The following KCNMB2 variants were observed in gnomAD, a reference collection of about 807,000 sequenced individuals.
The protein encoded by KCNMB2 is calcium-activated potassium channel subunit beta-2.
KCNMB2 carries 9 observed loss-of-function variants against 24.5 expected under a neutral mutation model. The observed-to-expected ratio is 0.37, with a 90% CI of 0.22 to 0.64. The LOEUF is 0.64. KCNMB2 is among the 30% of genes least tolerant of loss of function. The pLI is 0.63. For synonymous variants in KCNMB2, 109 were observed against 104.4 expected, an observed-to-expected ratio of 1.04 and a Z score of -0.27; for missense variants, 226 against 284.3, an observed-to-expected ratio of 0.79 and a Z score of 1.47.
chr3:178,735,473 T>C (rs7429116), intron 1 of KCNMB2, among the ~76,000 whole-genome samples: 21,298 of 152,236 alleles, frequency 0.14, 1,844 homozygotes, highest in Non-Finnish European at 0.18. Context: ...CAACGCACAC[T>C]CTGAAGAGTC....
intron 1 of KCNMB2, among the ~76,000 whole-genome samples, chr3:178,561,467 C>T (rs1488476480): frequency 6.6e-6 from 1 of 152,184 alleles, no homozygotes; most frequent in Non-Finnish European, 1.5e-5. Context: ...GGTTCTGAAA[C>T]TAAATGGCTC....
chr3:178,628,868 T>C (rs895902760), intron 1 of KCNMB2, among the ~76,000 whole-genome samples: 1 of 152,174 alleles, frequency 6.6e-6, no homozygotes, highest in Admixed American at 6.5e-5. Context: ...TATATTTATA[T>C]CTAAGAAAAC....
intron 1 of KCNMB2, among the ~76,000 whole-genome samples, chr3:178,565,626 G>T (rs928618540): frequency 6.6e-6 from 1 of 152,176 alleles, no homozygotes; most frequent in African/African-American, 2.4e-5. Flanking sequence ...TTTAGAGCAG[G>T]TCTAACTATT....
rs370359503 is a variant in KCNMB2 at position 178,801,466 on chromosome 3, TATTC to T, written c.-67-5871_-67-5868del. On this transcript the variant is annotated intron_variant, in intron 1 of 4. Transcript: ENST00000452583. ...TCTACAACTGGGCAGTAAGCAGGGC[TATTC>T]ATTCAATCTTCTAGGCATCAAATTG... 1.8e-3 allele frequency among the ~76,000 whole-genome samples: 269 copies of T among 152,338 alleles called. 4 individuals carry two copies. The highest frequency in any genetic ancestry group is 6.0e-3 in the African/African-American group (250 of 41,594).
chr3:178,581,756 A>T (rs1055047400), intron 1 of KCNMB2, among the ~76,000 whole-genome samples: 2 of 152,158 alleles, frequency 1.3e-5, no homozygotes, highest in East Asian at 1.9e-4. Flanking sequence ...GCCAACAAAC[A>T]TATGAAAAAA....
At chr3:178,755,362 C>A (rs1467226342) in intron 1 of KCNMB2, among the ~76,000 whole-genome samples, 2 of 152,206 alleles carry the variant, frequency 1.3e-5, no homozygotes, top group Non-Finnish European at 2.9e-5. Context: ...GGGTGGGAAG[C>A]ACCACTGTCT....
chr3:178,566,602 G>A (rs80010753), intron 1 of KCNMB2, among the ~76,000 whole-genome samples: 10,119 of 152,018 alleles, frequency 0.067, 459 homozygotes, highest in Non-Finnish European at 0.1. Flanking sequence ...CAGTTTCTCT[G>A]TTTTTTGTTT....
At position 178,844,428 on chromosome 3, in the gene KCNMB2, T is replaced by C. The variant is rs1715534028; in HGVS notation, c.*1491T>C. 6.6e-6 allele frequency: 1 copy of C among 152,194 alleles called. No individual in the cohort carries two copies. The highest frequency in any genetic ancestry group is 1.5e-5 in the Non-Finnish European group (1 of 67,932). The allele number at this position is 152,194 out of a possible 1,614,324, so 9.4% of individuals were successfully genotyped here. ...TAATTAAATTTTTTTAAAAAAAATC[T>C]ATTAAATTGCAAGATTTGAATACTT... On this transcript the variant is annotated 3_prime_UTR_variant, in exon 5 of 5. Transcript: ENST00000452583.
intron 1 of KCNMB2, among the ~76,000 whole-genome samples, chr3:178,805,051 G>A (rs1281944528): frequency 1.3e-5 from 2 of 152,232 alleles, no homozygotes; most frequent in African/African-American, 4.8e-5. Flanking sequence ...TAAAGAGATA[G>A]CAGATTTAAT....
At chr3:178,542,802 A>G (rs1715662819) in intron 1 of KCNMB2, among the ~76,000 whole-genome samples, 3 of 152,220 alleles carry the variant, frequency 2.0e-5, no homozygotes, top group Admixed American at 2.0e-4. Context: ...CTTTCTAGAC[A>G]CGCTGTATAA....
At chr3:178,703,734 T>G (rs1192683482) in intron 1 of KCNMB2, among the ~76,000 whole-genome samples, 1 of 152,198 alleles carries the variant, frequency 6.6e-6, no homozygotes, top group African/African-American at 2.4e-5. Flanking sequence ...GTTTATGTAA[T>G]CATGTATCTA....
chr3:178,787,818 T>A (rs954035194), intron 1 of KCNMB2, among the ~76,000 whole-genome samples: 35 of 152,066 alleles, frequency 2.3e-4, no homozygotes, highest in African/African-American at 8.2e-4. Context: ...TTTGAAAAAA[T>A]TCAAAACCAA....
intron 1 of KCNMB2, among the ~76,000 whole-genome samples, chr3:178,660,409 C>T (rs78899753): frequency 2.0e-5 from 3 of 152,040 alleles, no homozygotes; most frequent in Admixed American, 2.0e-4. Flanking sequence ...CCATGAAGCC[C>T]AACCCACTTG....
At chr3:178,541,959 C>A (rs1232504289) in intron 1 of KCNMB2, among the ~76,000 whole-genome samples, 5 of 152,132 alleles carry the variant, frequency 3.3e-5, no homozygotes, top group African/African-American at 9.7e-5. Context: ...CCAGCCAAAG[C>A]ACCCACCCTG....
chr3:178,746,602 G>A (rs1577145129), intron 1 of KCNMB2, among the ~76,000 whole-genome samples: 1 of 152,274 alleles, frequency 6.6e-6, no homozygotes, highest in East Asian at 1.9e-4. Flanking sequence ...TTGTCAGGCT[G>A]CAAATTTTCC....
intron 1 of KCNMB2, among the ~76,000 whole-genome samples, chr3:178,555,557 C>T (rs995486179): frequency 1.3e-5 from 2 of 152,108 alleles, no homozygotes; most frequent in Admixed American, 1.3e-4. Flanking sequence ...TCAAAACTAG[C>T]CGTTGTTATA....
chr3:178,726,589 C>T lies in KCNMB2; in HGVS notation c.-67-80754C>T, dbSNP rs192899064. On this transcript the variant is annotated intron_variant, in intron 1 of 4. Coordinates refer to ENST00000452583, the MANE Select transcript of KCNMB2 (RefSeq NM_181361.3). ...TTGACAGGTTTTTTTTCAAATATTT[C>T]TTTAGATATTTTTTAGATATACACT... Among the ~76,000 whole-genome samples the T allele has an allele frequency of 2.1e-4, 32 of 150,906 alleles. No homozygotes were observed. In the East Asian group the frequency reaches 6.0e-3, roughly 28 times the overall value.
intron 1 of KCNMB2, among the ~76,000 whole-genome samples, chr3:178,663,254 G>A (rs1720598224): frequency 6.6e-6 from 1 of 151,966 alleles, no homozygotes; most frequent in African/African-American, 2.4e-5. Flanking sequence ...CCAAACCTAG[G>A]GTTAATGTGG....
chr3:178,815,866 C>T (rs1219653340), intron 2 of KCNMB2, among the ~76,000 whole-genome samples: 1 of 151,744 alleles, frequency 6.6e-6, no homozygotes, highest in African/African-American at 2.4e-5. Flanking sequence ...TTATAAGTTC[C>T]TGGGATAACC....
Sources: gnomAD v4.1 joint callset for allele counts (sites outside exome capture counted in the v4.1 genomes callset) on GRCh38, gnomAD v4.1.1 for gene constraint, MANE v1.5 for transcripts, NCBI Gene and HGNC (gene_info 2026-07-23, HGNC 2026-07-21) for gene names.